The following TLN2 variants were observed in gnomAD, a reference collection of about 807,000 sequenced individuals.
TLN2 encodes the protein talin 2.
A neutral mutation model predicts 294.7 loss-of-function variants in TLN2; 118 were observed. That is an observed-to-expected ratio of 0.40 (90% CI 0.34 to 0.47). The LOEUF is 0.47. Among genes scored for constraint, TLN2 ranks in the 20% least tolerant of loss-of-function variants. The pLI is 0.84. For synonymous variants in TLN2, 1,431 were observed against 1,304.5 expected (o/e 1.10, Z -2.09); for missense variants, 3,083 against 3,282.2 (o/e 0.94, Z 1.48).
rs143248793 is a variant in TLN2 at position 62,504,124 on chromosome 15, C to T, written c.-237-85563C>T. ...CAGCAACTCCTCCCTTCTTGACACA[C>T]AGGTAGTAGCTCTAGATTTTGTTGT... On this transcript the variant is annotated intron_variant, in intron 1 of 58. Transcript: ENST00000636159. Among the ~76,000 whole-genome samples the T allele has an allele frequency of 3.8e-3, 572 of 152,332 alleles. 6 individuals are homozygous for T. The highest frequency in any genetic ancestry group is 0.013 in the African/African-American group (550 of 41,578).
intron 40 of TLN2, among the ~76,000 whole-genome samples, chr15:62,764,177 G>C (rs993473859): frequency 5.3e-5 from 8 of 152,102 alleles, no homozygotes; most frequent in African/African-American, 1.9e-4. Context: ...CAGCATTTGA[G>C]GACTTTGGCA....
At chr15:62,410,318 A>C (rs2033695776) in intron 1 of TLN2, among the ~76,000 whole-genome samples, 2 of 152,176 alleles carry the variant, frequency 1.3e-5, no homozygotes, top group African/African-American at 4.8e-5. Context: ...ACATCATTTT[A>C]TATAATGTAT....
At chr15:62,615,380 C>T (rs370273866) in intron 2 of TLN2, among the ~76,000 whole-genome samples, 43 of 152,260 alleles carry the variant, frequency 2.8e-4, no homozygotes, top group Non-Finnish European at 3.2e-4. Context: ...CTGGTCTGAA[C>T]GGGTTTGAGA....
At chr15:62,672,454 C>T (rs2055546799) in intron 9 of TLN2, among the ~76,000 whole-genome samples, 1 of 152,106 alleles carries the variant, frequency 6.6e-6, no homozygotes, top group African/African-American at 2.4e-5. Context: ...TCGGAATAAT[C>T]CAGGGGAGGT....
intron 27 of TLN2, among the ~76,000 whole-genome samples, chr15:62,725,583 T>G (rs1035325733): frequency 6.6e-6 from 1 of 152,146 alleles, no homozygotes; most frequent in South Asian, 2.1e-4. Context: ...GGCTAAAACT[T>G]TACCAGTCCT....
At chr15:62,491,225 G>A (rs1283473717) in intron 1 of TLN2, among the ~76,000 whole-genome samples, 2 of 151,986 alleles carry the variant, frequency 1.3e-5, no homozygotes, top group Admixed American at 6.5e-5. Flanking sequence ...GGGAGGCTGA[G>A]GCAGGAGAAT....
At chr15:62,457,232 C>G (rs536448592) in intron 1 of TLN2, among the ~76,000 whole-genome samples, 238 of 152,328 alleles carry the variant, frequency 1.6e-3, no homozygotes, top group Non-Finnish European at 2.6e-3. Context: ...TGCCTTCTGG[C>G]TGCATCTTCA....
At chr15:62,757,394 C>T (rs183987117) in intron 37 of TLN2, among the ~76,000 whole-genome samples, 1 of 152,288 alleles carries the variant, frequency 6.6e-6, no homozygotes, top group Middle Eastern at 3.4e-3. Flanking sequence ...GCAGTGACAT[C>T]GTTGGTTGCT....
chr15:62,522,145 T>A (rs2040492256), intron 1 of TLN2, among the ~76,000 whole-genome samples: 3 of 152,290 alleles, frequency 2.0e-5, no homozygotes, highest in East Asian at 3.9e-4. Context: ...GCTTTGTCTT[T>A]GGTTCACAGT....
rs777641588 is a variant in TLN2 at position 62,771,037 on chromosome 15, A to G, written c.5270A>G (p.His1757Arg). ...AVGVASKILD[H>R]QQQMTVLDQT... ...GGTGTGGCCTCCAAGATTCTTGATCATCAGCAGCAGATGACGGTGCTGGAC... is the reference window on the plus strand; with the variant it reads ...GGTGTGGCCTCCAAGATTCTTGATCGTCAGCAGCAGATGACGGTGCTGGAC... Residue 1757 changes from histidine to arginine, a missense_variant, in exon 42 of 59, where the codon CAT becomes CGT. Transcript: ENST00000636159. The G allele has an allele frequency of 1.2e-6, 2 of 1,612,610 alleles. No homozygotes were observed. Among genetic ancestry groups the G allele is most frequent in the South Asian group, 2.2e-5 (2 of 91,020 alleles).
chr15:62,458,762 C>G (rs1251367958), intron 1 of TLN2, among the ~76,000 whole-genome samples: 2 of 152,066 alleles, frequency 1.3e-5, no homozygotes, highest in African/African-American at 4.8e-5. Context: ...TAACGAGACT[C>G]TGTCTCAAAA....
intron 1 of TLN2, among the ~76,000 whole-genome samples, chr15:62,486,956 C>T (rs1035555171): frequency 6.6e-6 from 1 of 152,010 alleles, no homozygotes; most frequent in Non-Finnish European, 1.5e-5. Context: ...TTGAACACAC[C>T]GTTAATCTCT....
chr15:62,654,524 C>T (rs1425026672), intron 7 of TLN2, among the ~76,000 whole-genome samples: 2 of 151,776 alleles, frequency 1.3e-5, no homozygotes, highest in African/African-American at 4.8e-5. Flanking sequence ...GAGGCTGAGG[C>T]GGGTGGATCA....
chr15:62,519,990 C>G (rs182440251), intron 1 of TLN2, among the ~76,000 whole-genome samples: 1 of 152,190 alleles, frequency 6.6e-6, no homozygotes, highest in Non-Finnish European at 1.5e-5. Context: ...GCGAAAGGCA[C>G]GTCTTACGTG....
intron 13 of TLN2, among the ~76,000 whole-genome samples, chr15:62,693,501 C>A (rs1470480831): frequency 2.0e-5 from 3 of 152,152 alleles, no homozygotes; most frequent in Admixed American, 1.3e-4. Context: ...AATGAATGAG[C>A]CTAGCACCCC....
chr15:62,739,736 G>A (rs1197417022), intron 31 of TLN2, among the ~76,000 whole-genome samples, 191 bp downstream of exon 31: 5 of 152,224 alleles, frequency 3.3e-5, no homozygotes, highest in Non-Finnish European at 1.5e-5. Context: ...ATCAGCTTAT[G>A]CATGAGGTGC....
Position 62,532,981 on chromosome 15 carries a change from C to T in TLN2, c.-237-56706C>T, listed in dbSNP as rs534721866. On this transcript the variant is annotated intron_variant, in intron 1 of 58. Transcript: ENST00000636159. The stretch of plus-strand genomic sequence containing the variant: ...AAACATGTGGATTCTAGGCTGGGCG[C>T]GATGGCTCACACCTGTTATCCCAGC... 4.6e-5 allele frequency among the ~76,000 whole-genome samples: 7 copies of T among 152,172 alleles called. No individual in the cohort carries two copies. In the South Asian group the frequency reaches 8.3e-4, roughly 18 times the overall value.
intron 46 of TLN2, among the ~76,000 whole-genome samples, chr15:62,794,323 G>A (rs886741588): frequency 6.6e-6 from 1 of 152,220 alleles, no homozygotes; most frequent in Middle Eastern, 3.4e-3. Context: ...CTTGTGTCTC[G>A]TTATATGCCT....
intron 11 of TLN2, among the ~76,000 whole-genome samples, chr15:62,680,483 G>A (rs987294741): frequency 1.3e-5 from 2 of 151,608 alleles, no homozygotes; most frequent in Non-Finnish European, 2.9e-5. Flanking sequence ...AGCCCTTAGA[G>A]TATGTATGTA....
Sources: allele counts gnomAD v4.1 joint callset (sites outside exome capture counted in the v4.1 genomes callset), GRCh38; gene constraint gnomAD v4.1.1; transcripts MANE v1.5; gene names NCBI Gene and HGNC (gene_info 2026-07-23, HGNC 2026-07-21).